Variants in DNAH11 observed in about 807,000 individuals in gnomAD.
DNAH11 encodes the protein axonemal beta dynein heavy chain 11.
DNAH11 carries 442 observed loss-of-function variants against 526.0 expected under a neutral mutation model. That is an observed-to-expected ratio of 0.84 (90% CI 0.78 to 0.91). The LOEUF is 0.91. Ranked by LOEUF, DNAH11 falls within the 40% of genes least tolerant of loss-of-function variation. The probability of loss-of-function intolerance (pLI) is 0.00; values close to 1 mark genes in which losing one functional copy is unlikely to be tolerated. For synonymous variants in DNAH11, 2,461 were observed against 1,935.9 expected (o/e 1.27, Z -7.12); for missense variants, 6,989 against 5,448.7 (o/e 1.28, Z -8.90).
chr7:21,776,306 C>G (rs1166297154), intron 56 of DNAH11, among the ~76,000 whole-genome samples: 1 of 152,224 alleles, frequency 6.6e-6, no homozygotes, highest in East Asian at 1.9e-4. Context: ...ATGGAATGCT[C>G]TTACTATCAA....
chr7:21,639,742 A>G (rs1281734380), intron 28 of DNAH11, among the ~76,000 whole-genome samples: 5 of 152,176 alleles, frequency 3.3e-5, no homozygotes, highest in African/African-American at 9.7e-5. Context: ...GACCAACTCA[A>G]TCATTCCTAT....
At chr7:21,747,665 G>A (rs1718349446) in intron 51 of DNAH11, among the ~76,000 whole-genome samples, 1 of 152,172 alleles carries the variant, frequency 6.6e-6, no homozygotes, top group Non-Finnish European at 1.5e-5. Context: ...AGTTGGCCTT[G>A]GTGGAAATTT....
chr7:21,899,632 G>A (rs747736487), intron 80 of DNAH11, among the ~76,000 whole-genome samples, 184 bp downstream of exon 80: 6 of 152,208 alleles, frequency 3.9e-5, no homozygotes, highest in African/African-American at 9.6e-5. Flanking sequence ...AGCAGCAGGA[G>A]GGAAAGGACC....
In DNAH11 at chr7:21,868,194, A is replaced by G. The variant is rs1783359945; in HGVS notation, c.11839+187A>G. Among the ~76,000 whole-genome samples the G allele has an allele frequency of 2.0e-5, 3 of 151,614 alleles. No individual in the cohort carries two copies. In the South Asian group the frequency reaches 6.2e-4, roughly 32 times the overall value. On this transcript the variant is annotated intron_variant, in intron 72 of 81. Coordinates refer to ENST00000409508, the MANE Select transcript of DNAH11 (RefSeq NM_001277115.2). ...TAGTCTGAAGAAATGTTGAAATGGA[A>G]CATTCATGTGGCTGGCATAATGCAA... is the stretch of plus-strand genomic sequence containing the variant.
At chr7:21,664,700 A>G (rs755943032) in intron 30 of DNAH11, among the ~76,000 whole-genome samples, 6 of 151,938 alleles carry the variant, frequency 3.9e-5, no homozygotes, top group South Asian at 2.1e-4. Flanking sequence ...GCTTGAAGCA[A>G]TCCTCCCACT....
chr7:21,633,096 T>C (rs946451548), intron 25 of DNAH11, among the ~76,000 whole-genome samples: 33 of 152,192 alleles, frequency 2.2e-4, no homozygotes, highest in African/African-American at 7.0e-4. Context: ...GCGAGACTTA[T>C]TCACAATCAT....
At chr7:21,859,860 A>G (rs1185454048) in intron 68 of DNAH11, among the ~76,000 whole-genome samples, 1 of 152,180 alleles carries the variant, frequency 6.6e-6, no homozygotes, top group East Asian at 1.9e-4. Context: ...GCATCCCGAA[A>G]GTACATGGGA....
chr7:21,594,581 C>G (rs977799599), intron 14 of DNAH11, among the ~76,000 whole-genome samples: 1 of 152,086 alleles, frequency 6.6e-6, no homozygotes, highest in African/African-American at 2.4e-5. Context: ...GTAGGATGAT[C>G]AGAGTAGGCC....
At chr7:21,635,844 A>T (rs144190095) in intron 25 of DNAH11, 27 bp from the exon 26 acceptor site, 8 of 1,566,314 alleles carry the variant, frequency 5.1e-6, no homozygotes, top group Non-Finnish European at 6.9e-6. Flanking sequence ...TTTAGCTACT[A>T]TTTAAAATTC....
chr7:21,605,646 A>G (rs888295464), intron 18 of DNAH11, among the ~76,000 whole-genome samples: 4 of 152,232 alleles, frequency 2.6e-5, no homozygotes, highest in Non-Finnish European at 4.4e-5. Flanking sequence ...TTTGGGAGCT[A>G]GAGAAAAGCC....
chr7:21,780,900 C>T (rs537334321), intron 57 of DNAH11, among the ~76,000 whole-genome samples: 11 of 152,136 alleles, frequency 7.2e-5, no homozygotes, highest in East Asian at 5.8e-4. Flanking sequence ...TGGAAAAGAC[C>T]GACATGAGAC....
At position 21,735,778 on chromosome 7, in the gene DNAH11, C is replaced by G. The variant is rs201635346; in HGVS notation, c.7579C>G (p.Leu2527Val). 22 of 1,613,830 alleles carry G rather than the reference C, an allele frequency of 1.4e-5. No individual in the cohort carries two copies. Among genetic ancestry groups the G allele is most frequent in the Non-Finnish European group, 1.7e-6 (2 of 1,179,882 alleles). The change falls in exon 46 of 82, where the codon CTC (leucine) becomes GTC (valine). Residue 2527 changes from leucine to valine, a missense_variant. Physicochemically the swap from Leu to Val is conservative, Grantham distance 32. Transcript: ENST00000409508. The stretch of plus-strand genomic sequence containing the variant: ...CTTTGTAGGTGACACATTGGCAAGT[C>G]TCTCTGAGGATTACATAGTATCCCG... ...TVFVGDTLASLSEDYIVSRVP... is the reference protein window; with the variant it reads ...TVFVGDTLASVSEDYIVSRVP...
chr7:21,626,279 C>T (rs1226022844), intron 25 of DNAH11, among the ~76,000 whole-genome samples: 1 of 152,144 alleles, frequency 6.6e-6, no homozygotes, highest in Non-Finnish European at 1.5e-5. Context: ...CACATAGCTG[C>T]AAATGACATG....
At chr7:21,831,143 A>C (rs1583748653) in intron 65 of DNAH11, among the ~76,000 whole-genome samples, 1 of 152,200 alleles carries the variant, frequency 6.6e-6, no homozygotes, top group African/African-American at 2.4e-5. Context: ...GTTTTAAGAA[A>C]GTAGCCACAC....
intron 28 of DNAH11, among the ~76,000 whole-genome samples, chr7:21,654,939 A>T (rs1343551394): frequency 3.3e-5 from 5 of 152,202 alleles, no homozygotes; most frequent in Admixed American, 3.3e-4. Context: ...CTAACATAAC[A>T]AGATGAATAA....
At chr7:21,802,108 A>G (rs1451460072) in intron 62 of DNAH11, among the ~76,000 whole-genome samples, 1 of 152,222 alleles carries the variant, frequency 6.6e-6, no homozygotes, top group Non-Finnish European at 1.5e-5. Flanking sequence ...AAAAGACATA[A>G]TGTACGTTCA....
intron 42 of DNAH11, among the ~76,000 whole-genome samples, chr7:21,713,646 C>T (rs1240360763): frequency 6.6e-6 from 1 of 152,074 alleles, no homozygotes; most frequent in Non-Finnish European, 1.5e-5. Flanking sequence ...TGATCCTTCC[C>T]TTGTTATCCT....
At chr7:21,588,372 C>G (rs1784547294) in intron 10 of DNAH11, 140 bp from the exon 11 acceptor site, 5 of 1,321,758 alleles carry the variant, frequency 3.8e-6, no homozygotes, top group Non-Finnish European at 5.2e-6. Flanking sequence ...AGGACTGTAA[C>G]TCTTCTAGTA....
chr7:21,734,509 A>G (rs1190204549), intron 45 of DNAH11, among the ~76,000 whole-genome samples: 1 of 152,238 alleles, frequency 6.6e-6, no homozygotes, highest in Non-Finnish European at 1.5e-5. Context: ...CTGAATTAAA[A>G]TGAAGTTCTA....
Sources: allele counts gnomAD v4.1 joint callset (sites outside exome capture counted in the v4.1 genomes callset), GRCh38; gene constraint gnomAD v4.1.1; transcripts MANE v1.5; gene names NCBI Gene and HGNC (gene_info 2026-07-23, HGNC 2026-07-21).